The following CX3CL1 variants were observed in gnomAD, a reference collection of about 807,000 sequenced individuals.
The protein encoded by CX3CL1 is fractalkine.
CX3CL1 carries 1 observed loss-of-function variant against 14.1 expected under a neutral mutation model. The observed-to-expected ratio is 0.07, with a 90% CI of 0.03 to 0.34. The LOEUF (loss-of-function observed/expected upper bound fraction) is 0.34. Ranked by LOEUF, CX3CL1 falls within the 10% of genes least tolerant of loss-of-function variation. The probability of loss-of-function intolerance (pLI) is 0.99; values close to 1 mark genes in which losing one functional copy is unlikely to be tolerated. For synonymous variants in CX3CL1, 255 were observed against 229.6 expected (o/e 1.11, Z -1.00); for missense variants, 505 against 536.4 (o/e 0.94, Z 0.58).
chr16:57,379,306 A>C, intron 1 of CX3CL1: 1 of 361,666 alleles, frequency 2.8e-6, no homozygotes, highest in East Asian at 4.4e-5. Flanking sequence ...AGCCTGGGCA[A>C]CAAGAGCAAG....
intron 1 of CX3CL1, among the ~76,000 whole-genome samples, chr16:57,376,480 A>ATGGG (rs1381838768): frequency 6.6e-6 from 1 of 151,388 alleles, no homozygotes; most frequent in Non-Finnish European, 1.5e-5. Context: ...GGATGGATGG[A>ATGGG]TGGATGGATG....
intron 1 of CX3CL1, among the ~76,000 whole-genome samples, chr16:57,374,378 G>A (rs560829640): frequency 5.9e-5 from 9 of 151,946 alleles, no homozygotes; most frequent in African/African-American, 1.5e-4. Context: ...CTGCAGCTAC[G>A]AGTCAGTGCA....
At chr16:57,372,714 A>AGGGTCT in intron 1 of CX3CL1, 76 bp downstream of exon 1, 1 of 1,505,216 alleles carries the variant, frequency 6.6e-7, no homozygotes, top group Non-Finnish European at 9.2e-7. Context: ...GCCTGACATC[A>AGGGTCT]GGGGCCCCAG....
chr16:57,382,295 A>G lies in CX3CL1; in HGVS notation c.457A>G (p.Thr153Ala). The change falls in exon 3 of 3, where the codon ACC becomes GCC. Residue 153 changes from threonine to alanine, a missense_variant. Transcript: ENST00000006053. The surrounding 1 kb of genome is among the most constrained non-coding windows in gnomAD (Gnocchi z 6.9). ...SSQEAQRALG[T>A]SPELPTGVTG... ...CCAGGAAGCACAGAGGGCCCTGGGGACCTCCCCAGAGCTGCCGACGGGCGT... is the reference window on the plus strand; with the variant it reads ...CCAGGAAGCACAGAGGGCCCTGGGGGCCTCCCCAGAGCTGCCGACGGGCGT... 1 of 1,605,474 alleles carries G rather than the reference A, an allele frequency of 6.2e-7. No homozygotes were observed. The highest frequency in any genetic ancestry group is 8.5e-7 in the Non-Finnish European group (1 of 1,175,598).
In CX3CL1 at chr16:57,382,122, C is replaced by A. The variant is rs761357335; in HGVS notation, c.284C>A (p.Ala95Asp). 7 of 1,614,082 alleles carry A rather than the reference C, an allele frequency of 4.3e-6. No individual in the cohort carries two copies. In the Admixed American group the frequency reaches 1.2e-4, roughly 27 times the overall value. ...AMQHLDRQAAALTRNGGTFEK... is the reference protein window; with the variant it reads ...AMQHLDRQAADLTRNGGTFEK... ...CAGCATCTGGACCGCCAGGCTGCTG[C>A]CCTAACTCGAAATGGCGGCACCTTC... Residue 95 changes from alanine (A) to aspartate (D), a missense_variant, in exon 3 of 3, where the codon GCC becomes GAC. By Grantham distance (126) the Ala-to-Asp change is moderately radical (BLOSUM62 -2). Coordinates refer to ENST00000006053, the MANE Select transcript of CX3CL1 (RefSeq NM_002996.6). This position sits in a 1 kb window ranked among gnomAD's most constrained non-coding sequence, Gnocchi z 6.9.
At chr16:57,379,389 C>T in intron 1 of CX3CL1, 1 of 497,924 alleles carries the variant, frequency 2.0e-6, no homozygotes, top group Non-Finnish European at 3.5e-6. Flanking sequence ...AATAAGAATT[C>T]ACGTTTCTTA....
In CX3CL1 at chr16:57,382,974, G is replaced by T; in HGVS notation, c.1136G>T (p.Gly379Val). 6.6e-7 allele frequency: 1 copy of T among 1,506,694 alleles called. No individual in the cohort carries two copies. The highest frequency in any genetic ancestry group is 1.4e-5 in the South Asian group (1 of 73,826). 93.3% of individuals were successfully genotyped at this position (1,506,694 alleles called of 1,614,324 possible). ...AAGATGGCAGGAGAGATGGCGGAGG[G>T]CCTTCGCTACATCCCCCGGAGCTGT... ...PRKMAGEMAE[G>V]LRYIPRSCGS... The change falls in exon 3 of 3, where the codon GGC becomes GTC. Residue 379 changes from glycine (G) to valine (V), a missense_variant. Coordinates refer to ENST00000006053, the MANE Select transcript of CX3CL1 (RefSeq NM_002996.6). The surrounding 1 kb of genome is among the most constrained non-coding windows in gnomAD (Gnocchi z 6.9).
rs1399603663 is a variant in CX3CL1 at position 57,384,477 on chromosome 16, C to G, written c.*1445C>G. On this transcript the variant is annotated 3_prime_UTR_variant, in exon 3 of 3. Coordinates refer to ENST00000006053, the MANE Select transcript of CX3CL1 (RefSeq NM_002996.6). ...ATGGGGCTGCACCGGCTGGCCTGGC[C>G]CCTCAGGGTCCCTGGTGGCAGCTCA... The G allele has an allele frequency of 6.6e-6, 1 of 152,406 alleles. No homozygotes were observed. The highest frequency in any genetic ancestry group is 1.5e-5 in the Non-Finnish European group (1 of 68,210). The allele number at this position is 152,406 out of a possible 1,614,324, so 9.4% of individuals were successfully genotyped here. A position where few individuals can be genotyped will look rare whatever the true frequency, so the allele number is the denominator to read the frequency against.
At chr16:57,373,485 C>T (rs566732331) in intron 1 of CX3CL1, among the ~76,000 whole-genome samples, 14 of 152,336 alleles carry the variant, frequency 9.2e-5, no homozygotes, top group Admixed American at 4.6e-4. Flanking sequence ...CTCCATGAAC[C>T]GCTAGCCAGC....
chr16:57,380,146 A>G (rs973833017), intron 2 of CX3CL1, among the ~76,000 whole-genome samples: 37 of 152,270 alleles, frequency 2.4e-4, no homozygotes, highest in African/African-American at 8.4e-4. Context: ...CCAGACTCTA[A>G]CAGACCTGAT....
At chr16:57,381,547 C>A (rs920035286) in intron 2 of CX3CL1, among the ~76,000 whole-genome samples, 2 of 151,780 alleles carry the variant, frequency 1.3e-5, no homozygotes, top group South Asian at 2.1e-4. Context: ...CACCTGAAGT[C>A]CCCCCCAGCA....
In CX3CL1 at chr16:57,382,443, C is replaced by T. The variant is rs1393677705; in HGVS notation, c.605C>T (p.Pro202Leu). 2.5e-6 allele frequency: 4 copies of T among 1,613,000 alleles called. No homozygotes were observed. Among genetic ancestry groups the T allele is most frequent in the Non-Finnish European group, 3.4e-6 (4 of 1,179,986 alleles). ...STAATWQSSAPHQPGPSLWAE... is the reference protein window; with the variant it reads ...STAATWQSSALHQPGPSLWAE... ...GCCGCCACGTGGCAGAGTTCTGCTC[C>T]CCACCAACCTGGGCCCAGCCTCTGG... Residue 202 changes from proline to leucine, a missense_variant, in exon 3 of 3, where the codon CCC (proline) becomes CTC (leucine). Coordinates refer to ENST00000006053, the MANE Select transcript of CX3CL1 (RefSeq NM_002996.6). The surrounding 1 kb of genome is among the most constrained non-coding windows in gnomAD (Gnocchi z 6.9).
At chr16:57,381,060 T>C (rs1373081289) in intron 2 of CX3CL1, among the ~76,000 whole-genome samples, 11 of 152,182 alleles carry the variant, frequency 7.2e-5, no homozygotes, top group African/African-American at 2.7e-4. Context: ...GGGGAGGGGA[T>C]CACTGTGCCC....
Position 57,375,151 on chromosome 16 carries a change from AAG to A in CX3CL1, c.70+2515_70+2516del, listed in dbSNP as rs538580586. Among the ~76,000 whole-genome samples the A allele has an allele frequency of 2.4e-3, 125 of 51,336 alleles. 2 individuals carry two copies. The highest frequency in any genetic ancestry group is 6.9e-3 in the Admixed American group (27 of 3,932). The allele number at this position is 51,336 out of a possible 152,430, so 33.7% of individuals were successfully genotyped here. A position where few individuals can be genotyped will look rare whatever the true frequency, so the allele number is the denominator to read the frequency against. On this transcript the variant is annotated intron_variant, in intron 1 of 2. Transcript: ENST00000006053. ...TGAGAGTCCATTTAAAAAAAAAAAA[AAG>A]AAAGAAAAGAAAAGAAAAAGAAAAA...
chr16:57,382,919 A>T lies in CX3CL1; in HGVS notation c.1081A>T (p.Thr361Ser). The T allele has an allele frequency of 6.5e-7, 1 of 1,546,662 alleles. No homozygotes were observed. Among genetic ancestry groups the T allele is most frequent in the Non-Finnish European group, 8.7e-7 (1 of 1,144,174 alleles). Residue 361 changes from threonine (T) to serine (S), a missense_variant, in exon 3 of 3, where the codon ACC (threonine) becomes TCC (serine). Transcript: ENST00000006053. The surrounding 1 kb of genome is among the most constrained non-coding windows in gnomAD (Gnocchi z 6.9). The part of the protein sequence containing the change: ...LLFCLGVAMF[T>S]YQSLQGCPRK... ...CTTCTGCCTGGGGGTGGCCATGTTC[A>T]CCTACCAGAGCCTCCAGGGCTGCCC...
chr16:57,376,640 G>A (rs570346465), intron 1 of CX3CL1, among the ~76,000 whole-genome samples: 1 of 152,186 alleles, frequency 6.6e-6, no homozygotes, highest in East Asian at 1.9e-4. Context: ...GTAGGTAGGG[G>A]AGAGGGAGTG....
At position 57,372,548 on chromosome 16, in the gene CX3CL1, G is replaced by T; in HGVS notation, c.-21G>T. ...TAGCCGCCTGCCTGGCCCCCGCCGG[G>T]ACTCTTGCCCACCCTCAGCCATGGC... On this transcript the variant is annotated 5_prime_UTR_variant, in exon 1 of 3. Transcript: ENST00000006053. The T allele has an allele frequency of 1.2e-6, 2 of 1,609,642 alleles. No homozygotes were observed.
intron 1 of CX3CL1, among the ~76,000 whole-genome samples, chr16:57,375,015 C>A (rs1700373290): frequency 6.6e-6 from 1 of 151,974 alleles, no homozygotes; most frequent in African/African-American, 2.4e-5. Flanking sequence ...TGGTGCATGC[C>A]TGTAGTCCCA....
rs1902193572 is a variant in CX3CL1, at chr16:57,372,609, C to T, written c.41C>T (p.Thr14Ile). Residue 14 changes from threonine to isoleucine, a missense_variant, in exon 1 of 3, where the codon ACC becomes ATC. Coordinates refer to ENST00000006053, the MANE Select transcript of CX3CL1 (RefSeq NM_002996.6). The stretch of plus-strand genomic sequence containing the variant: ...CTGTCGTGGCTGCTCCGCTTGGCCA[C>T]CTTCTGCCATCTGACTGTCCTGCTG... ...ISLSWLLRLA[T>I]FCHLTVLLAG... 1 of 1,613,558 alleles carries T rather than the reference C, an allele frequency of 6.2e-7. No individual in the cohort carries two copies. The highest frequency in any genetic ancestry group is 1.7e-5 in the Admixed American group (1 of 60,002).
Sources: gnomAD v4.1 joint callset for allele counts (sites outside exome capture counted in the v4.1 genomes callset) on GRCh38, gnomAD v4.1.1 for gene constraint, Gnocchi (gnomAD v3.1) non-coding constraint, MANE v1.5 for transcripts, NCBI Gene and HGNC (gene_info 2026-07-23, HGNC 2026-07-21) for gene names.